Variants in DOCK3 observed in about 807,000 individuals in gnomAD.
DOCK3 encodes the protein dedicator of cytokinesis 3, also known as dedicator of cytokinesis protein 3.
A neutral mutation model predicts 265.6 loss-of-function variants in DOCK3; 60 were observed. The ratio of observed to expected loss-of-function variants is 0.23; its 90% confidence interval spans 0.18 to 0.28. The LOEUF (loss-of-function observed/expected upper bound fraction) is 0.28. DOCK3 is among the 10% of genes least tolerant of loss of function. The probability of loss-of-function intolerance (pLI) is 1.00; values close to 1 mark genes in which losing one functional copy is unlikely to be tolerated. For synonymous variants in DOCK3, 881 were observed against 938.0 expected (o/e 0.94, Z 1.11); for missense variants, 1,981 against 2,594.3 (o/e 0.76, Z 5.14).
chr3:50,930,328 G>A (rs998610669), intron 4 of DOCK3, among the ~76,000 whole-genome samples: 1 of 152,194 alleles, frequency 6.6e-6, no homozygotes, highest in Non-Finnish European at 1.5e-5. Context: ...CTTGTAGTGA[G>A]TGCAGAGGTC....
chr3:51,338,945 A>G lies in DOCK3; in HGVS notation c.3683A>G (p.Lys1228Arg). The change falls in exon 37 of 53, where the codon AAA (lysine) becomes AGA (arginine). Residue 1228 changes from lysine to arginine, a missense_variant. Physicochemically the swap from Lys to Arg is conservative, Grantham distance 26 (BLOSUM62 2). This residue lies in a region of DOCK3 where 1,357 missense variants were observed against 1,866.8 expected (regional missense o/e 0.73). Transcript: ENST00000266037. Reference protein sequence around the residue: ...GCTVNLMNFYKSEINKEEMYI... With the variant: ...GCTVNLMNFYRSEINKEEMYI... ...TTCTCTTTATTGTAGAATTTTTACA[A>G]ATCTGAGATTAACAAGGAAGAAATG... is the stretch of plus-strand genomic sequence containing the variant. The G allele has an allele frequency of 6.2e-7, 1 of 1,607,230 alleles. No homozygotes were observed.
chr3:50,809,980 A>C (rs2106739333), intron 2 of DOCK3, among the ~76,000 whole-genome samples: 1 of 152,154 alleles, frequency 6.6e-6, no homozygotes, highest in Admixed American at 6.5e-5. Flanking sequence ...TCTCTACAAA[A>C]AATTTAAAAA....
intron 5 of DOCK3, among the ~76,000 whole-genome samples, chr3:50,980,879 TTTTG>T (rs1190476555): frequency 3.3e-5 from 5 of 152,262 alleles, no homozygotes; most frequent in South Asian, 4.1e-4. Flanking sequence ...GGTTTGTTGA[TTTTG>T]TTTATCTTTT....
chr3:50,973,123 G>T (rs1448578412), intron 5 of DOCK3, among the ~76,000 whole-genome samples: 11 of 38,342 alleles, frequency 2.9e-4, no homozygotes, highest in East Asian at 8.0e-4. Context: ...TTTTTTTTTT[G>T]TAGTTTTCTT....
intron 3 of DOCK3, among the ~76,000 whole-genome samples, chr3:50,849,227 G>A (rs2046238960): frequency 6.6e-6 from 1 of 151,660 alleles, no homozygotes; most frequent in African/African-American, 2.4e-5. Context: ...TAGAGACAGG[G>A]TCTTGCCACA....
At chr3:51,119,510 C>T (rs1239654534) in intron 9 of DOCK3, among the ~76,000 whole-genome samples, 1 of 152,054 alleles carries the variant, frequency 6.6e-6, no homozygotes, top group East Asian at 1.9e-4. Flanking sequence ...GAATGTTGAC[C>T]TGTGTTGCTA....
intron 4 of DOCK3, among the ~76,000 whole-genome samples, chr3:50,931,952 T>G (rs1182384992): frequency 6.6e-6 from 1 of 152,206 alleles, no homozygotes; most frequent in Non-Finnish European, 1.5e-5. Flanking sequence ...GCCTCAGTGG[T>G]GTACTGAAAC....
At chr3:50,690,389 C>T (rs1465351939) in intron 1 of DOCK3, among the ~76,000 whole-genome samples, 1 of 152,050 alleles carries the variant, frequency 6.6e-6, no homozygotes, top group Non-Finnish European at 1.5e-5. Context: ...CTACCTTGGC[C>T]TCCCAGAAAG....
chr3:51,326,709 C>A (rs1267423706), intron 32 of DOCK3, among the ~76,000 whole-genome samples: 1 of 151,716 alleles, frequency 6.6e-6, no homozygotes, highest in African/African-American at 2.4e-5. Context: ...GCAACCTCCT[C>A]CTCCCAGGTT....
chr3:51,358,291 C>G (rs953703985), intron 46 of DOCK3, among the ~76,000 whole-genome samples: 1 of 152,176 alleles, frequency 6.6e-6, no homozygotes, highest in Admixed American at 6.5e-5. Flanking sequence ...CACTCACTCC[C>G]AAAGGAGGAG....
chr3:50,782,981 T>G (rs368424252), intron 2 of DOCK3, among the ~76,000 whole-genome samples: 1 of 126,008 alleles, frequency 7.9e-6, no homozygotes, highest in Non-Finnish European at 1.7e-5. Context: ...TTTTTTTTTT[T>G]GGCTCATGGC....
At chr3:50,676,814 C>A (rs1415767951) in intron 1 of DOCK3, among the ~76,000 whole-genome samples, 2 of 152,180 alleles carry the variant, frequency 1.3e-5, no homozygotes, top group South Asian at 2.1e-4. Flanking sequence ...AATTTAACAT[C>A]ATTTAACGTC....
chr3:51,061,457 C>T (rs554351095), intron 5 of DOCK3, among the ~76,000 whole-genome samples: 1 of 151,644 alleles, frequency 6.6e-6, no homozygotes, highest in South Asian at 2.1e-4. Flanking sequence ...CAAACTATTG[C>T]AAGGACAAAA....
intron 27 of DOCK3, among the ~76,000 whole-genome samples, chr3:51,298,779 A>G (rs1187557365): frequency 6.6e-6 from 1 of 152,190 alleles, no homozygotes; most frequent in Non-Finnish European, 1.5e-5. Flanking sequence ...TCCATGGTGT[A>G]TATGTAACCC....
chr3:50,917,150 A>G (rs1240304364), intron 4 of DOCK3, among the ~76,000 whole-genome samples: 1 of 151,996 alleles, frequency 6.6e-6, no homozygotes, highest in East Asian at 1.9e-4. Flanking sequence ...TTTTCTTGTC[A>G]TATCCTTTAC....
intron 4 of DOCK3, among the ~76,000 whole-genome samples, chr3:50,908,836 T>C (rs1027820328): frequency 6.6e-6 from 1 of 152,064 alleles, no homozygotes; most frequent in Non-Finnish European, 1.5e-5. Context: ...CACTATTATT[T>C]TGTGGGAGTC....
intron 5 of DOCK3, among the ~76,000 whole-genome samples, chr3:50,944,701 G>A (rs934088010): frequency 1.3e-5 from 2 of 152,190 alleles, no homozygotes; most frequent in African/African-American, 2.4e-5. Context: ...GCTCAGGCCT[G>A]TAATTCTAGC....
At chr3:50,912,388 C>G (rs905696625) in intron 4 of DOCK3, among the ~76,000 whole-genome samples, 2 of 152,070 alleles carry the variant, frequency 1.3e-5, no homozygotes, top group Non-Finnish European at 2.9e-5. Context: ...CTGGGTCAGA[C>G]CTGAAGCTTC....
intron 3 of DOCK3, chr3:50,877,212 T>C: frequency 6.4e-6 from 2 of 310,642 alleles, no homozygotes; most frequent in Non-Finnish European, 1.3e-5. Context: ...TCTTTCTCCC[T>C]CTGAGCTCTC....
Sources: gnomAD v4.1 joint callset for allele counts (sites outside exome capture counted in the v4.1 genomes callset) on GRCh38, gnomAD v4.1.1 for gene constraint, gnomAD v4.1.1 regional missense constraint, MANE v1.5 for transcripts, NCBI Gene and HGNC (gene_info 2026-07-23, HGNC 2026-07-21) for gene names.